Variants in SUPT5H observed in about 807,000 individuals in gnomAD.
SUPT5H encodes transcription elongation factor SPT5.
A neutral mutation model predicts 142.5 loss-of-function variants in SUPT5H; 24 were observed. That is an observed-to-expected ratio of 0.17 (90% CI 0.12 to 0.24). The LOEUF is 0.24. Among genes scored for constraint, SUPT5H ranks in the 10% least tolerant of loss-of-function variants. SUPT5H has a pLI of 1.00. For synonymous variants in SUPT5H, 546 were observed against 553.0 expected, an observed-to-expected ratio of 0.99 and a Z score of 0.18; for missense variants, 893 against 1,471.8, an observed-to-expected ratio of 0.61 and a Z score of 6.43.
Position 39,466,730 on chromosome 19 carries a change from A to G in SUPT5H, c.1022A>G (p.Asp341Gly), listed in dbSNP as rs2079243046. ...AAGCGGCCTCCACAGAGGCTGTTTGATGCTGAGAAGATCAGGTGCGTGTCC... is the reference window on the plus strand; with the variant it reads ...AAGCGGCCTCCACAGAGGCTGTTTGGTGCTGAGAAGATCAGGTGCGTGTCC... ...KFKRPPQRLF[D>G]AEKIRSLGGD... Residue 341 changes from aspartate to glycine, a missense_variant, in exon 13 of 30, where the codon GAT (aspartate) becomes GGT (glycine). By Grantham distance (94) the Asp-to-Gly change is moderately conservative. Around this residue, in one of 6 missense-constraint regions of SUPT5H, gnomAD observed 428 missense variants for 763.5 expected, o/e 0.56. Transcript: ENST00000432763. The surrounding 1 kb of genome is among the most constrained non-coding windows in gnomAD (Gnocchi z 4.3). 2 of 1,614,004 alleles carry G rather than the reference A, an allele frequency of 1.2e-6. No homozygotes were observed. Among genetic ancestry groups the G allele is most frequent in the Non-Finnish European group, 1.7e-6 (2 of 1,180,010 alleles).
At chr19:39,475,082 A>G in intron 28 of SUPT5H, 2 of 322,210 alleles carry the variant, frequency 6.2e-6, no homozygotes, top group East Asian at 8.0e-5. Flanking sequence ...TGTGGCTGGA[A>G]CATAAAGAGC....
At position 39,458,415 on chromosome 19, in the gene SUPT5H, C is replaced by T. The variant is rs151250770; in HGVS notation, c.319+110C>T. On this transcript the variant is annotated intron_variant, in intron 5 of 29. Coordinates refer to ENST00000432763, the MANE Select transcript of SUPT5H (RefSeq NM_001111020.3). This position sits in a 1 kb window ranked among gnomAD's most constrained non-coding sequence, Gnocchi z 4.2. ...AGCCTCCCCACCAGCCCCGGTCTGG[C>T]CCTGAGGGCTCTGACCCATGTAGGA... 0.014 allele frequency: 21,496 copies of T among 1,567,638 alleles called. 205 individuals are homozygous for T. The highest frequency in any genetic ancestry group is 0.017 in the Non-Finnish European group (19,176 of 1,154,616).
intron 3 of SUPT5H, among the ~76,000 whole-genome samples, chr19:39,454,257 C>T (rs1199650927): frequency 1.3e-5 from 2 of 151,936 alleles, no homozygotes; most frequent in African/African-American, 2.4e-5. Flanking sequence ...GTTTTTTCAT[C>T]GAACACAGAC....
In SUPT5H at chr19:39,445,606, C is replaced by G. The variant is rs2146060478; in HGVS notation, c.-119C>G. The G allele has an allele frequency of 2.3e-6, 1 of 438,502 alleles. No homozygotes were observed. The highest frequency in any genetic ancestry group is 4.2e-6 in the Non-Finnish European group (1 of 235,332). The allele number at this position is 438,502 out of a possible 1,614,324, so 27.2% of individuals were successfully genotyped here. On this transcript the variant is annotated 5_prime_UTR_variant, in exon 1 of 30. Transcript: ENST00000432763. The stretch of plus-strand genomic sequence containing the variant: ...CAGTCAGGCGTCGTGCGAACAGCAG[C>G]TGGTACCGAAGGCGGAGGTGGAGCC...
intron 2 of SUPT5H, among the ~76,000 whole-genome samples, chr19:39,449,752 C>G (rs898823507): frequency 2.6e-5 from 4 of 151,740 alleles, no homozygotes; most frequent in African/African-American, 9.7e-5. Flanking sequence ...CAGTTCTCCT[C>G]TCTCAGCTTC....
chr19:39,455,627 CTTT>C (rs113696535), intron 3 of SUPT5H, among the ~76,000 whole-genome samples: 1 of 143,322 alleles, frequency 7.0e-6, no homozygotes. Flanking sequence ...TTCTTTTCTT[CTTT>C]TTTTTTTTTT....
rs534101115 is a variant in SUPT5H at position 39,471,304 on chromosome 19, G to A, written c.1678-53G>A. ...TCCCACTTTAGGGAACCCCTGCCCC[G>A]TGTCTCCCCTTCCCATTCTCACCCC... On this transcript the variant is annotated intron_variant, in intron 18 of 29. Coordinates refer to ENST00000432763, the MANE Select transcript of SUPT5H (RefSeq NM_001111020.3). 145 of 1,609,530 alleles carry A rather than the reference G, an allele frequency of 9.0e-5. No individual in the cohort carries two copies. The South Asian group carries it at 1.2e-3, about 13-fold the overall frequency.
chr19:39,451,442 C>G (rs1365725075), intron 2 of SUPT5H, among the ~76,000 whole-genome samples: 1 of 151,844 alleles, frequency 6.6e-6, no homozygotes, highest in African/African-American at 2.4e-5. Context: ...GTGATCCGCG[C>G]GAGCCACCGC....
intron 10 of SUPT5H, among the ~76,000 whole-genome samples, chr19:39,463,484 G>C (rs967109405): frequency 6.6e-6 from 1 of 152,092 alleles, no homozygotes; most frequent in Non-Finnish European, 1.5e-5. Context: ...TATGATTTTA[G>C]TTCTTTTATG....
In SUPT5H at chr19:39,469,204, G is replaced by A; in HGVS notation, c.1237+32G>A. ...GATCCCCCTCTATAACCTGGGCCAA[G>A]GAGCAGGGGCGGCCCATGGTGGCAA... is the stretch of plus-strand genomic sequence containing the variant. On this transcript the variant is annotated intron_variant, in intron 15 of 29. Transcript: ENST00000432763. The surrounding 1 kb of genome is among the most constrained non-coding windows in gnomAD (Gnocchi z 5.1). 1 of 1,614,236 alleles carries A rather than the reference G, an allele frequency of 6.2e-7. No homozygotes were observed. Among genetic ancestry groups the A allele is most frequent in the Non-Finnish European group, 8.5e-7 (1 of 1,180,034 alleles).
At chr19:39,475,031 T>A in intron 28 of SUPT5H, 1 of 421,730 alleles carries the variant, frequency 2.4e-6, no homozygotes, top group Non-Finnish European at 4.4e-6. Flanking sequence ...GGCCTGGAGG[T>A]GAGGGGAACC....
chr19:39,445,914 C>G lies in SUPT5H; in HGVS notation c.24C>G (p.Asn8Lys). 6.2e-7 allele frequency: 1 copy of G among 1,613,726 alleles called. No homozygotes were observed. MSDSEDS[N>K]FSEEEDSERS... ...AGATGTCGGACAGCGAGGACAGCAA[C>G]TTTTCCGAGGAGGAGGACAGCGAGC... is the stretch of plus-strand genomic sequence containing the variant. Residue 8 changes from asparagine to lysine, a missense_variant, in exon 2 of 30, where the codon AAC becomes AAG. Physicochemically the swap from Asn to Lys is moderately conservative, Grantham distance 94. Transcript: ENST00000432763.
At chr19:39,463,334 ACATTTACTTCTAAG>A (rs2079191140) in intron 10 of SUPT5H, among the ~76,000 whole-genome samples, 1 of 152,058 alleles carries the variant, frequency 6.6e-6, no homozygotes, top group African/African-American at 2.4e-5. Flanking sequence ...TTACAGCTAT[ACATTTACTTCTAAG>A]CATGGCTTTT....
At position 39,459,592 on chromosome 19, in the gene SUPT5H, A is replaced by G; in HGVS notation, c.555+3A>G. 2 of 1,613,732 alleles carry G rather than the reference A, an allele frequency of 1.2e-6. No individual in the cohort carries two copies. The highest frequency in any genetic ancestry group is 1.7e-6 in the Non-Finnish European group (2 of 1,179,884). Reference sequence around the variant, plus strand: ...ATCTGTGGACTGTCAAATGTAAGGTATGTGCTCTGATCTCGGGGCTTGGAG... The same window carrying G: ...ATCTGTGGACTGTCAAATGTAAGGTGTGTGCTCTGATCTCGGGGCTTGGAG... On this transcript the variant is annotated splice_donor_region_variant and intron_variant, in intron 9 of 29. Coordinates refer to ENST00000432763, the MANE Select transcript of SUPT5H (RefSeq NM_001111020.3).
At chr19:39,471,094 T>C (rs988357274) in intron 18 of SUPT5H, among the ~76,000 whole-genome samples, 1 of 152,160 alleles carries the variant, frequency 6.6e-6, no homozygotes, top group East Asian at 1.9e-4. Flanking sequence ...AGCCCCTTCT[T>C]CCATCTCTCA....
chr19:39,471,121 T>A (rs1202977430), intron 18 of SUPT5H, among the ~76,000 whole-genome samples: 1 of 152,118 alleles, frequency 6.6e-6, no homozygotes, highest in African/African-American at 2.4e-5. Flanking sequence ...TGTTGCCCAA[T>A]CGGGGGTGGA....
In SUPT5H at chr19:39,458,231, CCCACCACCACCACCACCA is replaced by C. The variant is rs113169927; in HGVS notation, c.308-36_308-19del. 129 of 1,364,596 alleles carry C rather than the reference CCCACCACCACCACCACCA, an allele frequency of 9.5e-5. No individual in the cohort carries two copies. The highest frequency in any genetic ancestry group is 2.7e-4 in the Admixed American group (12 of 43,670). 84.5% of individuals were successfully genotyped at this position (1,364,596 alleles called of 1,614,324 possible). A position where few individuals can be genotyped will look rare whatever the true frequency, so the allele number is the denominator to read the frequency against. ...TTGGCTCATACTTTGTCTGCCCTCG[CCCACCACCACCACCACCA>C]CCACCACCACCACCACCACCACCAC... is the stretch of plus-strand genomic sequence containing the variant. On this transcript the variant is annotated intron_variant, in intron 4 of 29. Coordinates refer to ENST00000432763, the MANE Select transcript of SUPT5H (RefSeq NM_001111020.3). This position sits in a 1 kb window ranked among gnomAD's most constrained non-coding sequence, Gnocchi z 4.2.
chr19:39,463,937 A>G (rs1441990918), intron 10 of SUPT5H, among the ~76,000 whole-genome samples: 1 of 150,202 alleles, frequency 6.7e-6, no homozygotes, highest in African/African-American at 2.5e-5. Flanking sequence ...GTCTTAAAGT[A>G]TATTTTGTCT....
At position 39,455,180 on chromosome 19, in the gene SUPT5H, A is replaced by G. The variant is rs147933623; in HGVS notation, c.241+1659A>G. Among the ~76,000 whole-genome samples the G allele has an allele frequency of 8.1e-3, 1,236 of 152,320 alleles. 7 individuals carry two copies. Among genetic ancestry groups the G allele is most frequent in the Non-Finnish European group, 0.013 (876 of 68,024 alleles). On this transcript the variant is annotated intron_variant, in intron 3 of 29. Coordinates refer to ENST00000432763, the MANE Select transcript of SUPT5H (RefSeq NM_001111020.3). ...CCTGGTTAAACAAATTATGGGCCAT[A>G]TAGTATATGAGGCATGTGCTGCTGT...
Sources: gnomAD v4.1 joint callset for allele counts (sites outside exome capture counted in the v4.1 genomes callset) on GRCh38, gnomAD v4.1.1 for gene constraint, gnomAD v4.1.1 regional missense constraint, Gnocchi (gnomAD v3.1) non-coding constraint, MANE v1.5 for transcripts, NCBI Gene and HGNC (gene_info 2026-07-23, HGNC 2026-07-21) for gene names.